Variants in RUNX2 observed in about 807,000 individuals in gnomAD.
The protein encoded by RUNX2 is runt-related transcription factor 2.
In RUNX2, 10 loss-of-function variants were observed where a neutral mutation model predicts 51.7. That is an observed-to-expected ratio of 0.19 (90% CI 0.12 to 0.33). The LOEUF (loss-of-function observed/expected upper bound fraction) is 0.33. Among genes scored for constraint, RUNX2 ranks in the 10% least tolerant of loss-of-function variants. The pLI is 1.00. For missense variants in RUNX2, 562 were observed against 691.3 expected (o/e 0.81, Z 2.10); for synonymous variants, 276 against 273.6 (o/e 1.01, Z -0.09).
intron 2 of RUNX2, among the ~76,000 whole-genome samples, chr6:45,355,646 A>G (rs1793022484): frequency 6.6e-6 from 1 of 152,150 alleles, no homozygotes. Context: ...CAAATTCCAG[A>G]TAAGTGAAGT....
chr6:45,523,837 C>T (rs1416681244), intron 7 of RUNX2, among the ~76,000 whole-genome samples: 1 of 151,704 alleles, frequency 6.6e-6, no homozygotes, highest in Non-Finnish European at 1.5e-5. Context: ...GAAGTTGATG[C>T]AGGAGAATCA....
At chr6:45,357,426 G>A (rs1034738042) in intron 2 of RUNX2, among the ~76,000 whole-genome samples, 1 of 150,818 alleles carries the variant, frequency 6.6e-6, no homozygotes, top group Non-Finnish European at 1.5e-5. Flanking sequence ...AACCTCCTAG[G>A]TGCAAGTGAT....
At chr6:45,399,433 C>T (rs1745298409) in intron 2 of RUNX2, among the ~76,000 whole-genome samples, 1 of 130,174 alleles carries the variant, frequency 7.7e-6, no homozygotes, top group African/African-American at 2.8e-5. Context: ...GATCTTGGCT[C>T]ACTGCAACCT....
At chr6:45,519,379 T>C (rs767150115) in intron 7 of RUNX2, among the ~76,000 whole-genome samples, 3 of 152,210 alleles carry the variant, frequency 2.0e-5, no homozygotes, top group Non-Finnish European at 4.4e-5. Context: ...GAACCAATAT[T>C]GATACATTGT....
At chr6:45,378,089 A>C (rs1332749737) in intron 2 of RUNX2, 2 of 151,874 alleles carry the variant, frequency 1.3e-5, no homozygotes, top group Admixed American at 6.6e-5. Flanking sequence ...TCCCAGCCCG[A>C]GCGAGCTACT....
intron 2 of RUNX2, among the ~76,000 whole-genome samples, chr6:45,370,256 G>C (rs1479481084): frequency 6.6e-6 from 1 of 152,136 alleles, no homozygotes; most frequent in Non-Finnish European, 1.5e-5. Flanking sequence ...AATACATTTT[G>C]AAAGCAGAAC....
At chr6:45,460,868 T>C (rs896969122) in intron 5 of RUNX2, among the ~76,000 whole-genome samples, 3 of 152,212 alleles carry the variant, frequency 2.0e-5, no homozygotes, top group Non-Finnish European at 4.4e-5. Flanking sequence ...CACCTACCTA[T>C]AATGGTTATT....
chr6:45,381,191 T>C lies in RUNX2; in HGVS notation c.59-41402T>C, dbSNP rs73735401. Among the ~76,000 whole-genome samples, 1,091 of 152,292 alleles carry C rather than the reference T, an allele frequency of 7.2e-3. 17 individuals carry two copies. Among genetic ancestry groups the C allele is most frequent in the African/African-American group, 0.025 (1,039 of 41,562 alleles). On this transcript the variant is annotated intron_variant, in intron 2 of 8. Transcript: ENST00000647337. ...TATCTTGTTTTATGTTTAGAGCAAG[T>C]TGTTCTGACCAAAAAGATTACTCAG... is the stretch of plus-strand genomic sequence containing the variant.
At chr6:45,529,456 A>G (rs2150437251) in intron 7 of RUNX2, among the ~76,000 whole-genome samples, 1 of 152,116 alleles carries the variant, frequency 6.6e-6, no homozygotes, top group African/African-American at 2.4e-5. Context: ...AGCTCCAAAA[A>G]CTTCATAGAT....
rs1378372750 is a variant in RUNX2, at chr6:45,548,337, T to C, written c.*1032T>C. 6.6e-6 allele frequency: 1 copy of C among 152,670 alleles called. No individual in the cohort carries two copies. The highest frequency in any genetic ancestry group is 1.9e-4 in the East Asian group (1 of 5,202). 9.5% of individuals were successfully genotyped at this position (152,670 alleles called of 1,614,324 possible). A position where few individuals can be genotyped will look rare whatever the true frequency, so the allele number is the denominator to read the frequency against. On this transcript the variant is annotated 3_prime_UTR_variant, in exon 9 of 9. Coordinates refer to ENST00000647337, the MANE Select transcript of RUNX2 (RefSeq NM_001024630.4). Reference sequence around the variant, plus strand: ...TGGTCTAGAGCCATATCTGAAATATTGCTAAGCAATTTCAGTTCATCCAGG... The same window carrying C: ...TGGTCTAGAGCCATATCTGAAATATCGCTAAGCAATTTCAGTTCATCCAGG...
intron 2 of RUNX2, chr6:45,422,023 A>AGCGGCGGCCGCCGCGGAG (rs1338457660): frequency 2.2e-4 from 32 of 147,702 alleles, no homozygotes; most frequent in Non-Finnish European, 3.5e-4. Flanking sequence ...GCGCGGGGGG[A>AGCGGCGGCCGCCGCGGAG]GCGGCGGCCG....
intron 2 of RUNX2, among the ~76,000 whole-genome samples, chr6:45,364,280 T>A (rs902737453): frequency 2.6e-5 from 4 of 152,150 alleles, no homozygotes; most frequent in African/African-American, 9.7e-5. Context: ...TTGTATAAAG[T>A]AAGTTGATCA....
At chr6:45,509,027 T>C (rs1392939026) in intron 6 of RUNX2, among the ~76,000 whole-genome samples, 2 of 152,168 alleles carry the variant, frequency 1.3e-5, no homozygotes, top group South Asian at 4.1e-4. Flanking sequence ...AGTCATATTT[T>C]AATATTTATT....
chr6:45,380,415 T>C (rs780732399), intron 2 of RUNX2, among the ~76,000 whole-genome samples: 1 of 152,194 alleles, frequency 6.6e-6, no homozygotes, highest in African/African-American at 2.4e-5. Context: ...TGGCATGTAA[T>C]ATTCACGTAG....
chr6:45,449,212 T>C (rs1799087659), intron 5 of RUNX2, among the ~76,000 whole-genome samples: 1 of 152,242 alleles, frequency 6.6e-6, no homozygotes, highest in Admixed American at 6.5e-5. Context: ...TCTACTTCTA[T>C]TTCTTCATCT....
intron 6 of RUNX2, among the ~76,000 whole-genome samples, chr6:45,511,631 C>G (rs1801154990): frequency 6.6e-6 from 1 of 152,188 alleles, no homozygotes; most frequent in East Asian, 1.9e-4. Context: ...CGTGCTGCCC[C>G]TCCATTCTCA....
chr6:45,429,602 G>A (rs1798481345), intron 3 of RUNX2, among the ~76,000 whole-genome samples: 1 of 152,148 alleles, frequency 6.6e-6, no homozygotes, highest in Non-Finnish European at 1.5e-5. Context: ...ATTCTCCAGG[G>A]AAAGGGAGGC....
chr6:45,339,454 A>C (rs1345991901), intron 2 of RUNX2, among the ~76,000 whole-genome samples: 1 of 152,190 alleles, frequency 6.6e-6, no homozygotes, highest in African/African-American at 2.4e-5. Flanking sequence ...TGTGTCCCCA[A>C]TAAACATTTG....
intron 3 of RUNX2, among the ~76,000 whole-genome samples, chr6:45,430,273 G>A (rs1197797442): frequency 6.6e-6 from 1 of 152,068 alleles, no homozygotes; most frequent in African/African-American, 2.4e-5. Flanking sequence ...ATTTAAAGTA[G>A]TCATAGACCA....
Sources: allele counts gnomAD v4.1 joint callset (sites outside exome capture counted in the v4.1 genomes callset), GRCh38; gene constraint gnomAD v4.1.1; transcripts MANE v1.5; gene names NCBI Gene and HGNC (gene_info 2026-07-23, HGNC 2026-07-21).